EXOC4: variants seen among roughly 807,000 people sequenced by gnomAD.
EXOC4 encodes the protein exocyst complex component 4, also known as SEC8-like 1.
Under a neutral mutation model 107.2 loss-of-function variants are expected in EXOC4, and 71 were observed. The observed-to-expected ratio is 0.66, with a 90% CI of 0.55 to 0.81. The LOEUF is 0.81. Among genes scored for constraint, EXOC4 ranks in the 30% least tolerant of loss-of-function variants. The pLI, the probability that EXOC4 is intolerant of heterozygous loss-of-function variation, is 0.00. For missense variants in EXOC4, 1,108 were observed against 1,189.6 expected, an observed-to-expected ratio of 0.93 and a Z score of 1.01; for synonymous variants, 456 against 441.2, an observed-to-expected ratio of 1.03 and a Z score of -0.42.
At chr7:133,347,089 G>A (rs1380234028) in intron 5 of EXOC4, among the ~76,000 whole-genome samples, 2 of 151,902 alleles carry the variant, frequency 1.3e-5, no homozygotes, top group Non-Finnish European at 2.9e-5. Context: ...GTACTCACTA[G>A]GACACGAAGT....
chr7:133,658,391 T>C (rs565049177), intron 10 of EXOC4, among the ~76,000 whole-genome samples: 1 of 152,276 alleles, frequency 6.6e-6, no homozygotes, highest in East Asian at 1.9e-4. Context: ...AATCTACTTA[T>C]CTACTTACAT....
chr7:133,465,531 A>G (rs1225444540), intron 7 of EXOC4, among the ~76,000 whole-genome samples: 6 of 152,184 alleles, frequency 3.9e-5, no homozygotes, highest in Non-Finnish European at 5.9e-5. Context: ...GAGCAACACT[A>G]TTAACCACCC....
chr7:134,003,474 A>C (rs1794574930), intron 15 of EXOC4, among the ~76,000 whole-genome samples: 1 of 152,222 alleles, frequency 6.6e-6, no homozygotes, highest in Non-Finnish European at 1.5e-5. Flanking sequence ...CTGACTAAAG[A>C]AAGATGACAG....
chr7:133,879,545 T>C (rs764840012), intron 11 of EXOC4, among the ~76,000 whole-genome samples: 17 of 152,180 alleles, frequency 1.1e-4, no homozygotes, highest in Non-Finnish European at 1.8e-4. Context: ...TCAAAGACAA[T>C]TTTGTTTTAA....
chr7:133,377,543 C>T (rs186665534), intron 7 of EXOC4, among the ~76,000 whole-genome samples: 6 of 152,110 alleles, frequency 3.9e-5, no homozygotes, highest in Admixed American at 3.3e-4. Context: ...GGATATTATG[C>T]AGCTTAACAA....
chr7:133,655,595 G>T (rs1018976066), intron 10 of EXOC4, among the ~76,000 whole-genome samples: 22 of 152,032 alleles, frequency 1.4e-4, no homozygotes, highest in African/African-American at 5.3e-4. Flanking sequence ...TAAAAACTAA[G>T]ATACAAACCC....
intron 10 of EXOC4, among the ~76,000 whole-genome samples, chr7:133,775,065 A>G (rs905136883): frequency 6.6e-6 from 1 of 152,168 alleles, no homozygotes; most frequent in Non-Finnish European, 1.5e-5. Context: ...AGTTAACTCT[A>G]TGGAGCTATA....
chr7:133,679,474 G>A (rs1794137935), intron 10 of EXOC4, among the ~76,000 whole-genome samples: 1 of 152,086 alleles, frequency 6.6e-6, no homozygotes, highest in Admixed American at 6.6e-5. Flanking sequence ...CTACAGAGCT[G>A]CTGAGAGCAG....
At position 133,322,578 on chromosome 7, in the gene EXOC4, T is replaced by C. The variant is rs553621947; in HGVS notation, c.763+5188T>C. On this transcript the variant is annotated intron_variant, in intron 5 of 17. Transcript: ENST00000253861. ...TTCTGTTCTGTTCCATTCTTCTGTA[T>C]ATCTGTTTTGTTACCAATACCATGC... 6.6e-5 allele frequency among the ~76,000 whole-genome samples: 10 copies of C among 152,342 alleles called. No individual in the cohort carries two copies. The South Asian group carries it at 2.1e-3, about 32-fold the overall frequency.
intron 9 of EXOC4, among the ~76,000 whole-genome samples, chr7:133,560,164 A>G (rs1800779136): frequency 6.6e-6 from 1 of 152,188 alleles, no homozygotes; most frequent in Admixed American, 6.5e-5. Context: ...ATTCTTCACA[A>G]TGAAATGTAG....
At chr7:133,874,442 C>T (rs1004147237) in intron 11 of EXOC4, among the ~76,000 whole-genome samples, 1 of 152,194 alleles carries the variant, frequency 6.6e-6, no homozygotes, top group Non-Finnish European at 1.5e-5. Context: ...GGAGGCATAT[C>T]CAAGTTGAAT....
intron 9 of EXOC4, among the ~76,000 whole-genome samples, chr7:133,614,152 G>GA (rs143627085): frequency 1.3e-5 from 2 of 151,978 alleles, no homozygotes; most frequent in South Asian, 2.1e-4. Flanking sequence ...TACACTGGGG[G>GA]AAAAAATGCC....
intron 9 of EXOC4, among the ~76,000 whole-genome samples, chr7:133,521,007 G>A (rs1584974665): frequency 6.6e-6 from 1 of 152,176 alleles, no homozygotes; most frequent in Non-Finnish European, 1.5e-5. Flanking sequence ...TATGTGGAAT[G>A]TTGACCCTTC....
intron 10 of EXOC4, among the ~76,000 whole-genome samples, chr7:133,658,830 A>G (rs1283184170): frequency 1.3e-5 from 2 of 152,114 alleles, no homozygotes; most frequent in Non-Finnish European, 2.9e-5. Flanking sequence ...TTTAATCTCA[A>G]TGCATAGTTT....
Position 133,893,191 on chromosome 7 carries a change from T to G in EXOC4, c.1735-2408T>G, listed in dbSNP as rs1799231651. ...TTTACCATTATGTAATGGCCTTCTT[T>G]GTCTCTTTTGATCTTTGTTGGTTTA... On this transcript the variant is annotated intron_variant, in intron 11 of 17. Coordinates refer to ENST00000253861, the MANE Select transcript of EXOC4 (RefSeq NM_021807.4). Among the ~76,000 whole-genome samples the G allele has an allele frequency of 2.6e-5, 2 of 78,074 alleles. 1 individual carries two copies. The highest frequency in any genetic ancestry group is 1.9e-4 in the Admixed American group (2 of 10,290). 51.2% of individuals were successfully genotyped at this position (78,074 alleles called of 152,430 possible). A position where few individuals can be genotyped will look rare whatever the true frequency, so the allele number is the denominator to read the frequency against.
intron 7 of EXOC4, among the ~76,000 whole-genome samples, chr7:133,417,911 T>A (rs935899254): frequency 6.6e-6 from 1 of 152,202 alleles, no homozygotes; most frequent in East Asian, 1.9e-4. Context: ...TTTTAACCCT[T>A]GGCATCAATC....
intron 10 of EXOC4, among the ~76,000 whole-genome samples, chr7:133,797,293 A>G (rs1232873579): frequency 6.6e-6 from 1 of 152,076 alleles, no homozygotes; most frequent in African/African-American, 2.4e-5. Context: ...TACTTTTTAC[A>G]GGGGGCCAGA....
rs540409357 is a variant in EXOC4, at chr7:133,515,579, C to T, written c.1417+35441C>T. ...GAACTCCTGGGCTCAAGTGATCCTC[C>T]CACCTCAGCCTCCCCATTAGCTGGG... On this transcript the variant is annotated intron_variant, in intron 9 of 17. Transcript: ENST00000253861. 3.3e-5 allele frequency among the ~76,000 whole-genome samples: 5 copies of T among 152,160 alleles called. No homozygotes were observed. The South Asian group carries it at 1.0e-3, about 32-fold the overall frequency.
At chr7:133,562,566 T>G (rs540467002) in intron 9 of EXOC4, among the ~76,000 whole-genome samples, 51 of 152,328 alleles carry the variant, frequency 3.3e-4, no homozygotes, top group African/African-American at 1.2e-3. Context: ...AATATTAGCT[T>G]TACTTTAACT....
Sources: allele counts gnomAD v4.1 joint callset (sites outside exome capture counted in the v4.1 genomes callset), GRCh38; gene constraint gnomAD v4.1.1; transcripts MANE v1.5; gene names NCBI Gene and HGNC (gene_info 2026-07-23, HGNC 2026-07-21).